Variants in PAX7 observed in about 807,000 individuals in gnomAD.
PAX7 encodes paired box 7.
In PAX7, 18 loss-of-function variants were observed where a neutral mutation model predicts 50.7. That is an observed-to-expected ratio of 0.36 (90% confidence interval 0.25 to 0.53). PAX7 has a LOEUF of 0.53. Among genes scored for constraint, PAX7 ranks in the 20% least tolerant of loss-of-function variants. PAX7 has a pLI of 0.93. For synonymous variants in PAX7, 310 were observed against 290.4 expected, an observed-to-expected ratio of 1.07 and a Z score of -0.69; for missense variants, 644 against 702.9, an observed-to-expected ratio of 0.92 and a Z score of 0.95.
At chr1:18,739,462 A>G (rs1420169676) in intron 8 of PAX7, among the ~76,000 whole-genome samples, 1 of 152,190 alleles carries the variant, frequency 6.6e-6, no homozygotes, top group Non-Finnish European at 1.5e-5. Context: ...AGGAGGAACG[A>G]CCATTTATTG....
At chr1:18,680,943 A>C (rs1156560709) in intron 4 of PAX7, among the ~76,000 whole-genome samples, 2 of 152,076 alleles carry the variant, frequency 1.3e-5, no homozygotes, top group East Asian at 3.9e-4. Flanking sequence ...TAAGGTGGGC[A>C]GATCACCTGA....
intron 4 of PAX7, among the ~76,000 whole-genome samples, chr1:18,659,188 GA>G (rs1432739554): frequency 2.0e-5 from 3 of 152,154 alleles, no homozygotes; most frequent in African/African-American, 7.2e-5. Flanking sequence ...ACCAGATTAG[GA>G]CCTTCTTTGA....
Position 18,634,349 on chromosome 1 carries a change from C to T in PAX7, c.132C>T (p.Val44=). 6.2e-7 allele frequency: 1 copy of T among 1,614,046 alleles called. No homozygotes were observed. ...GQGRVNQLGG[V]FINGRPLPNH... ...GCCGGGTCAATCAGCTGGGAGGGGTCTTCATCAATGGGCGACCCCTGCCTA... is the reference window on the plus strand; with the variant it reads ...GCCGGGTCAATCAGCTGGGAGGGGTTTTCATCAATGGGCGACCCCTGCCTA... Residue 44 remains valine (V), a synonymous_variant, in exon 2 of 9, where the codon GTC becomes GTT. Coordinates refer to ENST00000420770, the MANE Select transcript of PAX7 (RefSeq NM_001135254.2). This position sits in a 1 kb window ranked among gnomAD's most constrained non-coding sequence, Gnocchi z 4.0.
chr1:18,672,427 A>G (rs2088763980), intron 4 of PAX7, among the ~76,000 whole-genome samples: 1 of 152,136 alleles, frequency 6.6e-6, no homozygotes, highest in Non-Finnish European at 1.5e-5. Context: ...TCAGGATTGT[A>G]AGGGTGCGCC....
At chr1:18,730,093 C>T (rs575759378) in intron 7 of PAX7, among the ~76,000 whole-genome samples, 46 of 152,178 alleles carry the variant, frequency 3.0e-4, no homozygotes, top group Middle Eastern at 3.4e-3. Flanking sequence ...GGGAGGGGGA[C>T]AGCTGATATT....
intron 4 of PAX7, among the ~76,000 whole-genome samples, chr1:18,691,539 T>C (rs1455953039): frequency 6.6e-6 from 1 of 152,236 alleles, no homozygotes; most frequent in Non-Finnish European, 1.5e-5. Context: ...TAAGCAATAC[T>C]CTAGGGTTGG....
chr1:18,646,517 G>A (rs1046914640), intron 4 of PAX7, among the ~76,000 whole-genome samples: 1 of 152,266 alleles, frequency 6.6e-6, no homozygotes, highest in Non-Finnish European at 1.5e-5. Flanking sequence ...CCGGGAAAGC[G>A]GTTTGGAAAC....
At chr1:18,710,874 C>T (rs559499777) in intron 7 of PAX7, among the ~76,000 whole-genome samples, 1 of 152,332 alleles carries the variant, frequency 6.6e-6, no homozygotes, top group African/African-American at 2.4e-5. Flanking sequence ...GGAGACCCTT[C>T]TCTCGCACAT....
chr1:18,634,622 C>A lies in PAX7; in HGVS notation c.321+84C>A. On this transcript the variant is annotated intron_variant, in intron 2 of 8. Transcript: ENST00000420770. The surrounding 1 kb of genome is among the most constrained non-coding windows in gnomAD (Gnocchi z 4.0). ...TGTGGCCCCTCTTACTACCTCGTGG[C>A]ACCAGGCTGTAGGAAAGTACAGCTG... 9.0e-7 allele frequency: 1 copy of A among 1,108,504 alleles called. No homozygotes were observed. The highest frequency in any genetic ancestry group is 1.3e-6 in the Non-Finnish European group (1 of 748,792). The allele number at this position is 1,108,504 out of a possible 1,614,324, so 68.7% of individuals were successfully genotyped here. A position where few individuals can be genotyped will look rare whatever the true frequency, so the allele number is the denominator to read the frequency against.
chr1:18,713,200 C>T (rs2089377487), intron 7 of PAX7, among the ~76,000 whole-genome samples: 1 of 152,174 alleles, frequency 6.6e-6, no homozygotes, highest in African/African-American at 2.4e-5. Flanking sequence ...CCCCTTTACA[C>T]AGATGGAGTA....
At position 18,631,141 on chromosome 1, in the gene PAX7, A is replaced by C. The variant is rs2088033515; in HGVS notation, c.-463A>C. The C allele has an allele frequency of 4.3e-6, 1 of 235,128 alleles. No individual in the cohort carries two copies. The highest frequency in any genetic ancestry group is 2.2e-5 in the African/African-American group (1 of 45,272). The allele number at this position is 235,128 out of a possible 1,614,324, so 14.6% of individuals were successfully genotyped here. On this transcript the variant is annotated 5_prime_UTR_variant, in exon 1 of 9. Coordinates refer to ENST00000420770, the MANE Select transcript of PAX7 (RefSeq NM_001135254.2). ...TCCACTCCGCAGTCTCCGGGCTCGG[A>C]AACTTTGGCCCCGAGCGCCAGAGCG...
intron 7 of PAX7, among the ~76,000 whole-genome samples, chr1:18,714,319 T>C (rs1025001581): frequency 6.6e-6 from 1 of 152,246 alleles, no homozygotes; most frequent in East Asian, 1.9e-4. Context: ...AGCCTCATTT[T>C]ACTCATCTGT....
intron 4 of PAX7, among the ~76,000 whole-genome samples, chr1:18,656,215 CG>C (rs1289149226): frequency 1.3e-5 from 2 of 152,106 alleles, no homozygotes; most frequent in African/African-American, 4.8e-5. Flanking sequence ...GAGGCAAGTC[CG>C]GGCGCAGTGG....
At chr1:18,702,963 G>A in intron 6 of PAX7, 131 bp from the exon 7 acceptor site, 1 of 807,328 alleles carries the variant, frequency 1.2e-6, no homozygotes, top group Non-Finnish European at 2.0e-6. Context: ...CAGGTAGCAT[G>A]AGAGGGTGGT....
intron 7 of PAX7, among the ~76,000 whole-genome samples, chr1:18,704,398 A>G (rs543551633): frequency 6.6e-6 from 1 of 152,290 alleles, no homozygotes; most frequent in East Asian, 1.9e-4. Context: ...AGGCGGGTGG[A>G]TCACCTGAGG....
chr1:18,649,874 A>G (rs76622342), intron 4 of PAX7, among the ~76,000 whole-genome samples: 162 of 152,338 alleles, frequency 1.1e-3, no homozygotes, highest in African/African-American at 3.8e-3. Flanking sequence ...GAGCCGCTTC[A>G]TGTCTCTGGC....
intron 4 of PAX7, among the ~76,000 whole-genome samples, chr1:18,676,316 A>C (rs1474315550): frequency 6.6e-6 from 1 of 151,922 alleles, no homozygotes; most frequent in Non-Finnish European, 1.5e-5. Context: ...TCTGCCTGGG[A>C]ACGGCCCATC....
At chr1:18,643,397 AGAG>A (rs1365133945) in intron 4 of PAX7, among the ~76,000 whole-genome samples, 2 of 152,244 alleles carry the variant, frequency 1.3e-5, no homozygotes, top group African/African-American at 4.8e-5. Context: ...AGAGAGCCAC[AGAG>A]GAGGAGAGAG....
Position 18,727,371 on chromosome 1 carries a change from TACACACACACACACA to T in PAX7, c.1156-8260_1156-8246del, listed in dbSNP as rs2089587765. Among the ~76,000 whole-genome samples the T allele has an allele frequency of 5.2e-5, 7 of 133,992 alleles. No homozygotes were observed. The East Asian group carries it at 1.6e-3, about 30-fold the overall frequency. 87.9% of individuals were successfully genotyped at this position (133,992 alleles called of 152,430 possible). On this transcript the variant is annotated intron_variant, in intron 7 of 8. Coordinates refer to ENST00000420770, the MANE Select transcript of PAX7 (RefSeq NM_001135254.2). ...TCATCCTCTCTCTCTCTCTCTCTCA[TACACACACACACACA>T]CACACACACACACACACACACACAG...
Sources: gnomAD v4.1 joint callset for allele counts (sites outside exome capture counted in the v4.1 genomes callset) on GRCh38, gnomAD v4.1.1 for gene constraint, Gnocchi (gnomAD v3.1) non-coding constraint, MANE v1.5 for transcripts, NCBI Gene and HGNC (gene_info 2026-07-23, HGNC 2026-07-21) for gene names.